FAM78B: variants seen among roughly 807,000 people sequenced by gnomAD.
FAM78B encodes the protein family with sequence similarity 78 member B, also known as protein FAM78B.
A neutral mutation model predicts 20.0 loss-of-function variants in FAM78B; 10 were observed. That is an observed-to-expected ratio of 0.50 (90% CI 0.31 to 0.85). The LOEUF (loss-of-function observed/expected upper bound fraction) is 0.85. FAM78B is among the 40% of genes least tolerant of loss of function. The pLI, the probability that FAM78B is intolerant of heterozygous loss-of-function variation, is 0.05. For synonymous variants in FAM78B, 135 were observed against 132.8 expected, an observed-to-expected ratio of 1.02 and a Z score of -0.12; for missense variants, 283 against 345.0, an observed-to-expected ratio of 0.82 and a Z score of 1.42.
At chr1:166,065,635 G>A (rs1035690913), downstream of FAM78B, among the ~76,000 whole-genome samples, 1 of 152,316 alleles carries the variant, frequency 6.6e-6, no homozygotes, top group East Asian at 1.9e-4. Flanking sequence ...CCTGGGTGGG[G>A]ATGACACTCC....
chr1:166,133,898 G>A (rs1398799518), intron 1 of FAM78B, among the ~76,000 whole-genome samples: 2 of 152,140 alleles, frequency 1.3e-5, no homozygotes, highest in Non-Finnish European at 2.9e-5. Flanking sequence ...AACTAAGTGA[G>A]ATAACTTCAT....
At chr1:166,122,666 G>A (rs528484364) in intron 1 of FAM78B, among the ~76,000 whole-genome samples, 8 of 152,106 alleles carry the variant, frequency 5.3e-5, no homozygotes, top group East Asian at 3.9e-4. Context: ...TCTGTGTGTC[G>A]TTCTATATGT....
intron 1 of FAM78B, among the ~76,000 whole-genome samples, chr1:166,154,142 G>C (rs1373939501): frequency 6.6e-6 from 1 of 152,168 alleles, no homozygotes; most frequent in African/African-American, 2.4e-5. Flanking sequence ...AGGGCCCCTG[G>C]CCCCCTCACA....
intron 1 of FAM78B, among the ~76,000 whole-genome samples, chr1:166,139,005 G>A (rs1016772811): frequency 1.3e-5 from 2 of 152,236 alleles, no homozygotes; most frequent in East Asian, 1.9e-4. Context: ...CTCCCTCCCT[G>A]AATATTTTAT....
chr1:166,115,059 A>G (rs7513325), intron 1 of FAM78B, among the ~76,000 whole-genome samples: 92,005 of 152,010 alleles, frequency 0.61, 29,488 homozygotes, highest in Non-Finnish European at 0.73. Flanking sequence ...ATGTGACAGA[A>G]AACACCTTTG....
chr1:166,155,829 C>A (rs1332884071), intron 1 of FAM78B, among the ~76,000 whole-genome samples: 1 of 152,202 alleles, frequency 6.6e-6, no homozygotes, highest in Non-Finnish European at 1.5e-5. Flanking sequence ...CCTGCTCTCA[C>A]AGAACGGGCA....
At chr1:166,146,871 C>T (rs1396986400) in intron 1 of FAM78B, among the ~76,000 whole-genome samples, 1 of 152,212 alleles carries the variant, frequency 6.6e-6, no homozygotes. Flanking sequence ...TCAGATCATT[C>T]ACTTCCCTCT....
chr1:166,106,843 G>C (rs10800190), intron 1 of FAM78B, among the ~76,000 whole-genome samples: 29,641 of 151,856 alleles, frequency 0.2, 3,291 homozygotes, highest in East Asian at 0.38. Context: ...TACCATGTAA[G>C]AAACTTGCAC....
At chr1:166,106,821 C>T (rs1653805487) in intron 1 of FAM78B, among the ~76,000 whole-genome samples, 1 of 152,064 alleles carries the variant, frequency 6.6e-6, no homozygotes, top group African/African-American at 2.4e-5. Flanking sequence ...GAAACCTCAG[C>T]ATTACACAAT....
intron 1 of FAM78B, among the ~76,000 whole-genome samples, chr1:166,089,818 G>A (rs778648029): frequency 2.0e-5 from 3 of 152,116 alleles, no homozygotes; most frequent in Admixed American, 6.5e-5. Flanking sequence ...TCAGTAGGAG[G>A]GAGCTCTCTC....
chr1:166,100,501 G>A (rs1653467230), intron 1 of FAM78B, among the ~76,000 whole-genome samples: 1 of 152,182 alleles, frequency 6.6e-6, no homozygotes, highest in Admixed American at 6.5e-5. Flanking sequence ...CCCTAATACT[G>A]TGCTTTTCCG....
At position 166,073,518 on chromosome 1, in the gene FAM78B, C is replaced by T. The variant is rs566142438; in HGVS notation, c.264-2755G>A. Among the ~76,000 whole-genome samples, 456 of 147,562 alleles carry T rather than the reference C, an allele frequency of 3.1e-3. 3 individuals are homozygous for T. The highest frequency in any genetic ancestry group is 0.011 in the African/African-American group (431 of 38,416). ...CTTCCCTCTCTCTATCTCTCGCTCCCTTCCTTTCTCTTTCTCTCTTTTTTT... is the reference window on the plus strand; with the variant it reads ...CTTCCCTCTCTCTATCTCTCGCTCCTTTCCTTTCTCTTTCTCTCTTTTTTT... On this transcript the variant is annotated intron_variant, in intron 1 of 1. Transcript: ENST00000354422.
At chr1:166,141,309 C>T (rs1309002833) in intron 1 of FAM78B, among the ~76,000 whole-genome samples, 1 of 152,218 alleles carries the variant, frequency 6.6e-6, no homozygotes, top group African/African-American at 2.4e-5. Context: ...CAGGTGCCAA[C>T]CCTGACCACA....
intron 1 of FAM78B, among the ~76,000 whole-genome samples, chr1:166,156,448 T>C (rs1557921072): frequency 1.3e-5 from 2 of 152,304 alleles, no homozygotes; most frequent in East Asian, 1.9e-4. Context: ...GGACTCAGTA[T>C]GGAGGGCACT....
At chr1:166,124,157 A>G (rs1339218335) in intron 1 of FAM78B, among the ~76,000 whole-genome samples, 1 of 152,126 alleles carries the variant, frequency 6.6e-6, no homozygotes, top group East Asian at 1.9e-4. Context: ...TTATGCTTCT[A>G]TGTCTGGCTC....
intron 1 of FAM78B, among the ~76,000 whole-genome samples, chr1:166,136,274 C>A (rs1171067701): frequency 6.6e-6 from 1 of 152,158 alleles, no homozygotes; most frequent in Admixed American, 6.5e-5. Flanking sequence ...TGCCTGAATT[C>A]ACAGCATGGC....
intron 1 of FAM78B, chr1:166,087,533 C>G (rs1045607053): frequency 5.9e-5 from 9 of 152,196 alleles, no homozygotes; most frequent in Admixed American, 5.2e-4. Flanking sequence ...GTACTTCAGG[C>G]ACCATGTTAG....
intron 1 of FAM78B, among the ~76,000 whole-genome samples, chr1:166,091,667 C>T (rs1414084773): frequency 6.6e-6 from 1 of 152,202 alleles, no homozygotes; most frequent in Non-Finnish European, 1.5e-5. Context: ...TGCCACCTGA[C>T]ATTGCCACGG....
At chr1:166,157,256 C>G (rs1655943859) in intron 1 of FAM78B, among the ~76,000 whole-genome samples, 1 of 152,034 alleles carries the variant, frequency 6.6e-6, no homozygotes, top group Non-Finnish European at 1.5e-5. Context: ...TTCCTTAAGG[C>G]TGATCCACAG....
Sources: gnomAD v4.1 joint callset for allele counts (sites outside exome capture counted in the v4.1 genomes callset) on GRCh38, gnomAD v4.1.1 for gene constraint, MANE v1.5 for transcripts, NCBI Gene and HGNC (gene_info 2026-07-23, HGNC 2026-07-21) for gene names.